The following AHI1 variants were observed in gnomAD, a reference collection of about 807,000 sequenced individuals.
The protein encoded by AHI1 is jouberin.
AHI1 carries 123 observed loss-of-function variants against 149.3 expected under a neutral mutation model. The ratio of observed to expected loss-of-function variants is 0.82; its 90% CI spans 0.71 to 0.96. The LOEUF (loss-of-function observed/expected upper bound fraction) is 0.96, where lower values mean the gene tolerates loss of function less well. AHI1 is among the 40% of genes least tolerant of loss of function. The probability of loss-of-function intolerance (pLI) is 0.00; values close to 1 mark genes in which losing one functional copy is unlikely to be tolerated. For missense variants in AHI1, 1,439 were observed against 1,422.7 expected (o/e 1.01, Z -0.18); for synonymous variants, 475 against 459.8 (o/e 1.03, Z -0.42).
At chr6:135,364,368 T>C (rs1243886714) in intron 23 of AHI1, among the ~76,000 whole-genome samples, 1 of 142,054 alleles carries the variant, frequency 7.0e-6, no homozygotes, top group African/African-American at 2.7e-5. Flanking sequence ...ACTTCCTAGA[T>C]GGGATGGCAG....
At chr6:135,452,398 C>T (rs1040838955) in intron 11 of AHI1, among the ~76,000 whole-genome samples, 1 of 152,178 alleles carries the variant, frequency 6.6e-6, no homozygotes, top group African/African-American at 2.4e-5. Flanking sequence ...TGAAACATCT[C>T]GTCAAAGACA....
At chr6:135,365,744 C>A (rs144820148) in intron 23 of AHI1, among the ~76,000 whole-genome samples, 1 of 152,296 alleles carries the variant, frequency 6.6e-6, no homozygotes, top group African/African-American at 2.4e-5. Context: ...GGTATACAAT[C>A]ATATCATTGG....
chr6:135,340,678 T>TAC (rs1422809995), intron 24 of AHI1, among the ~76,000 whole-genome samples: 3 of 134,302 alleles, frequency 2.2e-5, no homozygotes, highest in South Asian at 2.3e-4. Context: ...TATATATATA[T>TAC]ATATATATAT....
chr6:135,318,594 A>G lies in AHI1; in HGVS notation c.3351T>C (p.Pro1117=), dbSNP rs1786329701. 1 of 1,604,506 alleles carries G rather than the reference A, an allele frequency of 6.2e-7. No homozygotes were observed. Among genetic ancestry groups the G allele is most frequent in the Non-Finnish European group, 8.5e-7 (1 of 1,175,350 alleles). The change falls in exon 26 of 29, where the codon CCT becomes CCC. Residue 1117 remains proline (P), a synonymous_variant. Transcript: ENST00000265602. ...AAGGAGGGGATCGCTCCTTTATCTCAGGAGGCAGTTCTTGATACAGTGCTG... is the reference window on the plus strand; with the variant it reads ...AAGGAGGGGATCGCTCCTTTATCTCGGGAGGCAGTTCTTGATACAGTGCTG... The part of the protein sequence containing the change: ...ASETLYQELP[P]EIKERSPPLS...
chr6:135,401,013 T>C (rs116718286), intron 22 of AHI1, among the ~76,000 whole-genome samples: 14 of 152,326 alleles, frequency 9.2e-5, no homozygotes, highest in African/African-American at 3.4e-4. Flanking sequence ...TTCTAAATTG[T>C]TGAGACCTGT....
At chr6:135,388,140 A>C in intron 23 of AHI1, 1 of 1,203,632 alleles carries the variant, frequency 8.3e-7, no homozygotes, top group Non-Finnish European at 1.2e-6. Flanking sequence ...AAATCAGTTA[A>C]TTTTGTAGAT....
At chr6:135,488,118 C>T (rs7744312) in intron 5 of AHI1, among the ~76,000 whole-genome samples, 145,612 of 152,224 alleles carry the variant, frequency 0.96, 69,641 homozygotes, top group Middle Eastern at 0.98. Flanking sequence ...TAGGTGTCTG[C>T]AATATTTGAC....
At chr6:135,467,492 AC>A (rs1316725397) in intron 6 of AHI1, 88 bp downstream of exon 6, 6 of 1,073,906 alleles carry the variant, frequency 5.6e-6, no homozygotes, top group Non-Finnish European at 8.6e-6. Context: ...AACAGAATGG[AC>A]AAAAACCATT....
At chr6:135,364,781 A>G (rs936654415) in intron 23 of AHI1, among the ~76,000 whole-genome samples, 1 of 152,256 alleles carries the variant, frequency 6.6e-6, no homozygotes, top group African/African-American at 2.4e-5. Context: ...AATCGCAGGC[A>G]CTCGGCAAGC....
chr6:135,383,706 A>G, intron 23 of AHI1, among the ~76,000 whole-genome samples: 1 of 152,242 alleles, frequency 6.6e-6, no homozygotes, highest in Non-Finnish European at 1.5e-5. Context: ...TTATAACAAC[A>G]TCATTTTATA....
intron 23 of AHI1, among the ~76,000 whole-genome samples, chr6:135,362,130 G>GTA (rs368400513): frequency 7.2e-4 from 109 of 151,068 alleles, no homozygotes; most frequent in Middle Eastern, 3.4e-3. Flanking sequence ...GTGAGTGTGT[G>GTA]TATATATATA....
chr6:135,339,339 C>T (rs1317078340), intron 24 of AHI1, among the ~76,000 whole-genome samples: 2 of 152,062 alleles, frequency 1.3e-5, no homozygotes, highest in Non-Finnish European at 2.9e-5. Context: ...AAATAGTTAA[C>T]AGAATTGCTT....
chr6:135,416,975 G>C (rs1782473787), intron 20 of AHI1, among the ~76,000 whole-genome samples: 1 of 151,944 alleles, frequency 6.6e-6, no homozygotes, highest in Non-Finnish European at 1.5e-5. Context: ...TACACATTTT[G>C]AACTTTTCTC....
intron 24 of AHI1, among the ~76,000 whole-genome samples, chr6:135,325,353 G>A (rs1787506850): frequency 6.6e-6 from 1 of 152,270 alleles, no homozygotes; most frequent in African/African-American, 2.4e-5. Flanking sequence ...GTATACTGAT[G>A]TTAAGTCACT....
intron 26 of AHI1, among the ~76,000 whole-genome samples, chr6:135,312,527 CA>C (rs1235331522): frequency 1.3e-5 from 2 of 151,412 alleles, no homozygotes; most frequent in Non-Finnish European, 2.9e-5. Flanking sequence ...ACAACAACAA[CA>C]AAAAAAACCA....
At chr6:135,437,422 G>A (rs2128035314) in intron 15 of AHI1, among the ~76,000 whole-genome samples, 1 of 152,288 alleles carries the variant, frequency 6.6e-6, no homozygotes, top group South Asian at 2.1e-4. Flanking sequence ...TGAGGATATT[G>A]TCAAAAAGGA....
At chr6:135,394,260 A>G (rs1455452569) in intron 23 of AHI1, among the ~76,000 whole-genome samples, 1 of 151,960 alleles carries the variant, frequency 6.6e-6, no homozygotes, top group Non-Finnish European at 1.5e-5. Flanking sequence ...CCTTATTGAA[A>G]CTCATTTAAA....
intron 23 of AHI1, among the ~76,000 whole-genome samples, chr6:135,372,896 T>C (rs1775278881): frequency 1.3e-5 from 2 of 152,176 alleles, no homozygotes; most frequent in African/African-American, 4.8e-5. Flanking sequence ...TGGGACCTGA[T>C]TTTTTTCATC....
chr6:135,465,611 A>G (rs1277626368), intron 7 of AHI1, among the ~76,000 whole-genome samples: 1 of 152,200 alleles, frequency 6.6e-6, no homozygotes, highest in East Asian at 1.9e-4. Context: ...TAAGATTGTC[A>G]TAAGAAATAA....
Sources: allele counts gnomAD v4.1 joint callset (sites outside exome capture counted in the v4.1 genomes callset), GRCh38; gene constraint gnomAD v4.1.1; transcripts MANE v1.5; gene names NCBI Gene and HGNC (gene_info 2026-07-23, HGNC 2026-07-21).